AUTS2: variants seen among roughly 807,000 people sequenced by gnomAD.
AUTS2 encodes activator of transcription and developmental regulator AUTS2.
A neutral mutation model predicts 112.4 loss-of-function variants in AUTS2; 17 were observed. That is an observed-to-expected ratio of 0.15 (90% CI 0.10 to 0.23). The LOEUF is 0.23. Among genes scored for constraint, AUTS2 ranks in the 10% least tolerant of loss-of-function variants. The pLI is 1.00. For synonymous variants in AUTS2, 751 were observed against 702.7 expected, an observed-to-expected ratio of 1.07 and a Z score of -1.09; for missense variants, 1,510 against 1,701.6, an observed-to-expected ratio of 0.89 and a Z score of 1.98.
chr7:69,860,057 G>T (rs1158765233), intron 1 of AUTS2, among the ~76,000 whole-genome samples: 1 of 151,884 alleles, frequency 6.6e-6, no homozygotes, highest in African/African-American at 2.4e-5. Context: ...TTTTGTTGTT[G>T]TTGTTTTTTG....
intron 5 of AUTS2, among the ~76,000 whole-genome samples, chr7:70,607,383 G>A (rs1463122491): frequency 6.6e-6 from 1 of 152,202 alleles, no homozygotes; most frequent in Admixed American, 6.5e-5. Context: ...AACGAACCTA[G>A]TGGAGGTGTA....
chr7:70,402,147 C>CA (rs1419933666), intron 4 of AUTS2, among the ~76,000 whole-genome samples: 1 of 152,256 alleles, frequency 6.6e-6, no homozygotes, highest in African/African-American at 2.4e-5. Flanking sequence ...TTTGGAGGCA[C>CA]CTCCAGGGTG....
intron 3 of AUTS2, among the ~76,000 whole-genome samples, chr7:70,129,002 C>G (rs1451366447): frequency 1.3e-5 from 2 of 152,144 alleles, no homozygotes; most frequent in African/African-American, 2.4e-5. Context: ...TTAGGTACAT[C>G]TAAAAAGACC....
In AUTS2 at chr7:70,611,459, A is replaced by T. The variant is rs77230114; in HGVS notation, c.691-87110A>T. Among the ~76,000 whole-genome samples, 492 of 152,348 alleles carry T rather than the reference A, an allele frequency of 3.2e-3. 3 individuals carry two copies. Among genetic ancestry groups the T allele is most frequent in the African/African-American group, 0.011 (472 of 41,584 alleles). On this transcript the variant is annotated intron_variant, in intron 5 of 18. Transcript: ENST00000342771. ...TCTAGAGAAACCCTATGTCCCTGAC[A>T]TTATAGAGTGCCATGCCAGCCCTAG...
At chr7:69,857,642 TG>T (rs1379947142) in intron 1 of AUTS2, among the ~76,000 whole-genome samples, 2 of 152,176 alleles carry the variant, frequency 1.3e-5, no homozygotes, top group East Asian at 3.9e-4. Flanking sequence ...AGCCTCTAAG[TG>T]TACGTTGTTT....
chr7:69,978,617 T>C lies in AUTS2; in HGVS notation c.522+79119T>C, dbSNP rs536167019. Reference sequence around the variant, plus strand: ...ACTTTGGGAGGCCAAGGCAGGATGATTGCTTGAGCTCAGGAGTTTGACACC... The same window carrying C: ...ACTTTGGGAGGCCAAGGCAGGATGACTGCTTGAGCTCAGGAGTTTGACACC... On this transcript the variant is annotated intron_variant, in intron 2 of 18. Transcript: ENST00000342771. Among the ~76,000 whole-genome samples, 47 of 152,260 alleles carry C rather than the reference T, an allele frequency of 3.1e-4. No homozygotes were observed. The South Asian group carries it at 9.4e-3, about 30-fold the overall frequency.
intron 16 of AUTS2, among the ~76,000 whole-genome samples, 160 bp from the exon 17 acceptor site, chr7:70,785,795 G>T (rs1351106074): frequency 6.6e-6 from 1 of 152,256 alleles, no homozygotes; most frequent in Non-Finnish European, 1.5e-5. Context: ...AAATCCAAGT[G>T]TAATGAAAAC....
At chr7:70,212,270 T>C (rs904930695) in intron 4 of AUTS2, among the ~76,000 whole-genome samples, 2 of 152,230 alleles carry the variant, frequency 1.3e-5, no homozygotes, top group Non-Finnish European at 2.9e-5. Context: ...TTGTTTTCCC[T>C]AGTTGCTGCC....
chr7:70,450,097 A>G (rs1796469416), intron 5 of AUTS2, among the ~76,000 whole-genome samples: 1 of 152,212 alleles, frequency 6.6e-6, no homozygotes. Flanking sequence ...GATGTTCCTA[A>G]GACTAGAAAA....
chr7:69,969,938 T>C (rs1173964330), intron 2 of AUTS2, among the ~76,000 whole-genome samples: 1 of 152,154 alleles, frequency 6.6e-6, no homozygotes, highest in Non-Finnish European at 1.5e-5. Flanking sequence ...CAGTCTTCAG[T>C]AGTGAGAAAG....
intron 6 of AUTS2, among the ~76,000 whole-genome samples, chr7:70,709,477 G>A (rs1055393284): frequency 7.9e-5 from 12 of 152,072 alleles, no homozygotes; most frequent in Non-Finnish European, 1.3e-4. Context: ...CTGGGAGGCC[G>A]AGGCGGGCGG....
intron 5 of AUTS2, among the ~76,000 whole-genome samples, chr7:70,682,310 G>A (rs892827337): frequency 1.3e-5 from 2 of 152,192 alleles, no homozygotes; most frequent in Non-Finnish European, 1.5e-5. Context: ...GATAAAAGAA[G>A]GGATTACTAA....
chr7:70,478,215 A>G (rs986385518), intron 5 of AUTS2, among the ~76,000 whole-genome samples: 15 of 152,216 alleles, frequency 9.9e-5, no homozygotes, highest in Admixed American at 7.2e-4. Context: ...CGTGTTCAAT[A>G]TCAAAAATAA....
At chr7:70,021,497 A>T (rs901300157) in intron 2 of AUTS2, among the ~76,000 whole-genome samples, 2 of 152,194 alleles carry the variant, frequency 1.3e-5, no homozygotes, top group Non-Finnish European at 2.9e-5. Context: ...CAGATGGGGC[A>T]TCCTGAATTC....
chr7:69,891,477 C>A (rs1231452159), intron 1 of AUTS2, among the ~76,000 whole-genome samples: 1 of 152,054 alleles, frequency 6.6e-6, no homozygotes, highest in Non-Finnish European at 1.5e-5. Flanking sequence ...ACTTTAATTT[C>A]TCTTAGGGAA....
intron 2 of AUTS2, among the ~76,000 whole-genome samples, chr7:69,989,199 A>G (rs1798638687): frequency 6.6e-6 from 1 of 152,202 alleles, no homozygotes. Context: ...GGTATTGTGT[A>G]TGGATGCTCA....
chr7:70,193,753 G>A (rs1036918692), intron 4 of AUTS2, among the ~76,000 whole-genome samples: 1 of 152,180 alleles, frequency 6.6e-6, no homozygotes, highest in Admixed American at 6.5e-5. Context: ...GCAGACCTGC[G>A]CCAGCTCCTG....
chr7:70,491,437 CATATAT>C (rs1491471927), intron 5 of AUTS2, among the ~76,000 whole-genome samples: 3 of 110,050 alleles, frequency 2.7e-5, no homozygotes, highest in Admixed American at 1.7e-4. Context: ...CACACACACA[CATATAT>C]ACACATAATA....
intron 2 of AUTS2, among the ~76,000 whole-genome samples, chr7:69,998,720 A>C (rs1799058196): frequency 6.6e-6 from 1 of 152,234 alleles, no homozygotes; most frequent in South Asian, 2.1e-4. Flanking sequence ...TATAGAAAAA[A>C]GTATAAACAC....
Sources: gnomAD v4.1 joint callset for allele counts (sites outside exome capture counted in the v4.1 genomes callset) on GRCh38, gnomAD v4.1.1 for gene constraint, MANE v1.5 for transcripts, NCBI Gene and HGNC (gene_info 2026-07-23, HGNC 2026-07-21) for gene names.